The following ARSK variants were observed in gnomAD, a reference collection of about 807,000 sequenced individuals.
ARSK encodes the protein arylsulfatase K.
In ARSK, 37 loss-of-function variants were observed where a neutral mutation model predicts 53.2. That is an observed-to-expected ratio of 0.70 (90% confidence interval 0.54 to 0.92). ARSK has a LOEUF of 0.92. ARSK is among the 40% of genes least tolerant of loss of function. The pLI is 0.00. For missense variants in ARSK, 613 were observed against 643.0 expected (o/e 0.95, Z 0.51); for synonymous variants, 208 against 223.2 (o/e 0.93, Z 0.61).
In ARSK at chr5:95,582,892, A is replaced by G. The variant is rs770099474; in HGVS notation, c.417-24A>G. On this transcript the variant is annotated intron_variant, in intron 3 of 7. Transcript: ENST00000380009. ...AAAACTTTTTAATATACCTGACAATATATGTGTCTTTTTGCCCCCTCAGTA... is the reference window on the plus strand; with the variant it reads ...AAAACTTTTTAATATACCTGACAATGTATGTGTCTTTTTGCCCCCTCAGTA... The G allele has an allele frequency of 5.7e-6, 9 of 1,572,674 alleles. No individual in the cohort carries two copies. The South Asian group carries it at 9.4e-5, about 16-fold the overall frequency.
intron 5 of ARSK, among the ~76,000 whole-genome samples, chr5:95,590,756 T>A (rs1363184571): frequency 6.6e-6 from 1 of 152,180 alleles, no homozygotes; most frequent in Non-Finnish European, 1.5e-5. Flanking sequence ...TAGGAGGAAG[T>A]TCGAGAACAC....
chr5:95,564,262 G>C (rs1360779796), intron 1 of ARSK, among the ~76,000 whole-genome samples: 1 of 152,182 alleles, frequency 6.6e-6, no homozygotes, highest in Non-Finnish European at 1.5e-5. Context: ...ACAGGCATGA[G>C]CCACTGTGCC....
chr5:95,588,955 C>T (rs572170432), intron 5 of ARSK, among the ~76,000 whole-genome samples: 51 of 148,624 alleles, frequency 3.4e-4, no homozygotes, highest in South Asian at 2.1e-4. Context: ...AGTGAGACTC[C>T]GTCTCAAAAA....
chr5:95,568,039 C>T lies in ARSK; in HGVS notation c.406C>T (p.His136Tyr), dbSNP rs200891076. The stretch of plus-strand genomic sequence containing the variant: ...GAAACTGGACTATACTTCAGGACAT[C>T]ACTCCATTAGGTAAAAATAAAACAA... ...FGKLDYTSGH[H>Y]SISNRVEAWT... Residue 136 changes from histidine to tyrosine, a missense_variant, in exon 3 of 8, where the codon CAC becomes TAC. Transcript: ENST00000380009. 7.4e-6 allele frequency: 12 copies of T among 1,613,346 alleles called. No homozygotes were observed. The East Asian group carries it at 2.7e-4, about 36-fold the overall frequency.
At position 95,570,917 on chromosome 5, in the gene ARSK, G is replaced by GT. The variant is rs374161119; in HGVS notation, c.416+2868_416+2869insT. ...CTGCCTCAGCCTCCTGAGTAGCTGG[G>GT]ATCATAGGCATGGGCCACTACGCCC... On this transcript the variant is annotated intron_variant, in intron 3 of 7. Coordinates refer to ENST00000380009, the MANE Select transcript of ARSK (RefSeq NM_198150.3). Among the ~76,000 whole-genome samples the GT allele has an allele frequency of 3.3e-4, 51 of 152,248 alleles. 1 individual carries two copies. Among genetic ancestry groups the GT allele is most frequent in the Middle Eastern group, 3.4e-3 (1 of 294 alleles).
chr5:95,558,626 T>G (rs755485903), intron 1 of ARSK, among the ~76,000 whole-genome samples: 3 of 152,130 alleles, frequency 2.0e-5, no homozygotes, highest in Non-Finnish European at 4.4e-5. Context: ...GACAAATTGC[T>G]AGGAAGGCAG....
At chr5:95,599,925 A>G (rs1282737151) in intron 6 of ARSK, among the ~76,000 whole-genome samples, 3 of 152,218 alleles carry the variant, frequency 2.0e-5, no homozygotes, top group Admixed American at 2.0e-4. Context: ...AAATATTTAT[A>G]CATAAAATAT....
At chr5:95,583,432 A>T (rs1274537199) in intron 4 of ARSK, among the ~76,000 whole-genome samples, 1 of 152,212 alleles carries the variant, frequency 6.6e-6, no homozygotes, top group Non-Finnish European at 1.5e-5. Context: ...GTCTATAAAC[A>T]GAGAAACTAA....
intron 1 of ARSK, among the ~76,000 whole-genome samples, chr5:95,558,274 C>T (rs1748562942): frequency 6.6e-6 from 1 of 152,158 alleles, no homozygotes; most frequent in Non-Finnish European, 1.5e-5. Context: ...GGCCCTAGCT[C>T]TCTAGTAGGA....
rs891410971 is a variant in ARSK at position 95,604,312 on chromosome 5, AG to A, written c.*789del. 2 of 152,184 alleles carry A rather than the reference AG, an allele frequency of 1.3e-5. No homozygotes were observed. The highest frequency in any genetic ancestry group is 4.8e-5 in the African/African-American group (2 of 41,454). The allele number at this position is 152,184 out of a possible 1,614,324, so 9.4% of individuals were successfully genotyped here. ...TTATTTTAATAGGTAATATATATAC[AG>A]GGTAAAAGCTTCAAATGGTACAAAA... On this transcript the variant is annotated 3_prime_UTR_variant, in exon 8 of 8. Transcript: ENST00000380009.
rs1344427350 is a variant in ARSK, at chr5:95,556,441, A to G, written c.126+1037A>G. On this transcript the variant is annotated intron_variant, in intron 1 of 7. Transcript: ENST00000380009. ...TATGAATGACAGTTCTCAAACTAGT[A>G]TGGTGCTTCAGAGCTGCTTTCCAAT... 3 of 559,406 alleles carry G rather than the reference A, an allele frequency of 5.4e-6. No homozygotes were observed. In the Admixed American group the frequency reaches 9.5e-5, roughly 18 times the overall value. The allele number at this position is 559,406 out of a possible 1,614,324, so 34.7% of individuals were successfully genotyped here. A position where few individuals can be genotyped will look rare whatever the true frequency, so the allele number is the denominator to read the frequency against.
chr5:95,585,350 C>T (rs1425149465), intron 4 of ARSK, among the ~76,000 whole-genome samples: 4 of 152,100 alleles, frequency 2.6e-5, no homozygotes, highest in Non-Finnish European at 4.4e-5. Flanking sequence ...AGTCATTATA[C>T]GAAAAAGATA....
At chr5:95,579,302 T>A (rs1450049788) in intron 3 of ARSK, among the ~76,000 whole-genome samples, 3 of 152,090 alleles carry the variant, frequency 2.0e-5, no homozygotes, top group African/African-American at 7.2e-5. Flanking sequence ...CAAGACTGGG[T>A]AATTTAGAAA....
At chr5:95,568,897 A>C (rs1157081869) in intron 3 of ARSK, among the ~76,000 whole-genome samples, 1 of 152,182 alleles carries the variant, frequency 6.6e-6, no homozygotes, top group Non-Finnish European at 1.5e-5. Context: ...ACCCCCGCCT[A>C]AAAAACTTGG....
In ARSK at chr5:95,555,175, C is replaced by G; in HGVS notation, c.-104C>G. 1 of 1,146,964 alleles carries G rather than the reference C, an allele frequency of 8.7e-7. No individual in the cohort carries two copies. Among genetic ancestry groups the G allele is most frequent in the Non-Finnish European group, 1.2e-6 (1 of 827,096 alleles). The allele number at this position is 1,146,964 out of a possible 1,614,324, so 71.0% of individuals were successfully genotyped here. On this transcript the variant is annotated 5_prime_UTR_variant, in exon 1 of 8. Coordinates refer to ENST00000380009, the MANE Select transcript of ARSK (RefSeq NM_198150.3). The surrounding 1 kb of genome is among the most constrained non-coding windows in gnomAD (Gnocchi z 4.0). ...GCGTTACTATCAAGCAACCAAACTG[C>G]AAGCTTTGGGAGTTGTTCGCTGTCC...
chr5:95,567,784 A>C (rs1748750443), intron 2 of ARSK, 106 bp from the exon 3 acceptor site: 1 of 1,115,336 alleles, frequency 9.0e-7, no homozygotes, highest in Non-Finnish European at 1.3e-6. Context: ...GTCTTACTGC[A>C]GAGCATAAGC....
At position 95,566,092 on chromosome 5, in the gene ARSK, A is replaced by G; in HGVS notation, c.221A>G (p.Tyr74Cys). Residue 74 changes from tyrosine to cysteine, a missense_variant, in exon 2 of 8, where the codon TAC (tyrosine) becomes TGC (cysteine). Physicochemically the swap from Tyr to Cys is radical, Grantham distance 194 (BLOSUM62 -2). Transcript: ENST00000380009. ...KTRGTSFLNA[Y>C]TNSPICCPSR... ...CGTGGGACTTCCTTTCTGAATGCCT[A>G]CACAAACTCTCCAATTTGTTGCCCA... 2 of 1,613,768 alleles carry G rather than the reference A, an allele frequency of 1.2e-6. No individual in the cohort carries two copies. Among genetic ancestry groups the G allele is most frequent in the South Asian group, 2.2e-5 (2 of 90,966 alleles).
intron 4 of ARSK, among the ~76,000 whole-genome samples, chr5:95,585,157 T>A (rs896569913): frequency 9.2e-5 from 14 of 152,102 alleles, no homozygotes; most frequent in African/African-American, 3.1e-4. Context: ...GCAAGAATGG[T>A]CATAATCAAA....
intron 6 of ARSK, among the ~76,000 whole-genome samples, chr5:95,597,888 T>C (rs1212116718): frequency 7.6e-6 from 1 of 131,300 alleles, no homozygotes; most frequent in African/African-American, 3.0e-5. Context: ...AGTGATACTC[T>C]GCCTCAAAAA....
Sources: allele counts gnomAD v4.1 joint callset (sites outside exome capture counted in the v4.1 genomes callset), GRCh38; gene constraint gnomAD v4.1.1; non-coding constraint Gnocchi (gnomAD v3.1); transcripts MANE v1.5; gene names NCBI Gene and HGNC (gene_info 2026-07-23, HGNC 2026-07-21).